HSPH1: variants seen among roughly 807,000 people sequenced by gnomAD.
The protein encoded by HSPH1 is heat shock protein family H (Hsp110) member 1.
Under a neutral mutation model 100.0 loss-of-function variants are expected in HSPH1, and 40 were observed. The ratio of observed to expected loss-of-function variants is 0.40; its 90% CI spans 0.31 to 0.52. The LOEUF is 0.52. Ranked by LOEUF, HSPH1 falls within the 20% of genes least tolerant of loss-of-function variation. The pLI, the probability that HSPH1 is intolerant of heterozygous loss-of-function variation, is 0.54. For synonymous variants in HSPH1, 403 were observed against 344.0 expected (o/e 1.17, Z -1.90); for missense variants, 876 against 1,015.1 (o/e 0.86, Z 1.86).
In HSPH1 at chr13:31,148,499, A is replaced by ACT. The variant is rs1956353540; in HGVS notation, c.1138-20_1138-19insAG. ...TTGCACACTTAAAAAAAAAAAAAAA[A>ACT]ATCATGAGCACATGAACACTTCCCA... On this transcript the variant is annotated intron_variant, in intron 8 of 17. Coordinates refer to ENST00000320027, the MANE Select transcript of HSPH1 (RefSeq NM_006644.4). The ACT allele has an allele frequency of 9.3e-7, 1 of 1,080,186 alleles. No individual in the cohort carries two copies. The highest frequency in any genetic ancestry group is 1.6e-5 in the African/African-American group (1 of 61,194). 66.9% of individuals were successfully genotyped at this position (1,080,186 alleles called of 1,614,324 possible).
intron 2 of HSPH1, among the ~76,000 whole-genome samples, chr13:31,156,705 T>G (rs554908378): frequency 2.3e-4 from 35 of 152,332 alleles, no homozygotes; most frequent in African/African-American, 7.7e-4. Flanking sequence ...CACCAAAAAG[T>G]AGAAGGCAGA....
intron 12 of HSPH1, 89 bp downstream of exon 12, chr13:31,143,703 G>T: frequency 8.7e-7 from 1 of 1,146,780 alleles, no homozygotes. Context: ...ATCAATTGGT[G>T]CTTGCTCTTG....
At chr13:31,162,155 T>C (rs1308729408), upstream of HSPH1, 5 of 1,439,602 alleles carry the variant, frequency 3.5e-6, no homozygotes, top group East Asian at 2.5e-5. Context: ...ACTCCCGCCC[T>C]AGCCACAGGC....
intron 10 of HSPH1, among the ~76,000 whole-genome samples, chr13:31,146,354 A>T (rs1275823467): frequency 6.6e-6 from 1 of 152,154 alleles, no homozygotes; most frequent in Non-Finnish European, 1.5e-5. Flanking sequence ...GGGCACTCTT[A>T]TAACTATTTT....
chr13:31,151,864 T>C (rs1956500221), intron 5 of HSPH1, 122 bp from the exon 6 acceptor site: 1 of 730,728 alleles, frequency 1.4e-6, no homozygotes, highest in Non-Finnish European at 2.2e-6. Flanking sequence ...GGTGAACACA[T>C]TACATTCCTT....
intron 5 of HSPH1, 87 bp downstream of exon 5, chr13:31,152,765 T>C: frequency 2.2e-6 from 2 of 925,122 alleles, no homozygotes; most frequent in Non-Finnish European, 3.5e-6. Context: ...ACAGGCTGTG[T>C]TTCTGTATCT....
At position 31,140,006 on chromosome 13, in the gene HSPH1, T is replaced by C. The variant is rs142210580; in HGVS notation, c.1980+178A>G. On this transcript the variant is annotated intron_variant, in intron 14 of 17. Transcript: ENST00000320027. The stretch of plus-strand genomic sequence containing the variant: ...TGGTAAAAATGAAGAGTTTTGGGGG[T>C]AGGCTAGTACAAAATAAAACTGCTC... 5.5e-3 allele frequency among the ~76,000 whole-genome samples: 841 copies of C among 152,134 alleles called. 10 individuals carry two copies. The highest frequency in any genetic ancestry group is 0.019 in the African/African-American group (796 of 41,528).
At position 31,147,950 on chromosome 13, in the gene HSPH1, A is replaced by C; in HGVS notation, c.1378+9T>G. ...TAAAAGAGTAAAATATACACAATGA[A>C]CTCCTTACCTATTTTTGCTTCTGGA... is the stretch of plus-strand genomic sequence containing the variant. On this transcript the variant is annotated intron_variant, in intron 10 of 17. Coordinates refer to ENST00000320027, the MANE Select transcript of HSPH1 (RefSeq NM_006644.4). 6.3e-7 allele frequency: 1 copy of C among 1,578,122 alleles called. No individual in the cohort carries two copies. Among genetic ancestry groups the C allele is most frequent in the Non-Finnish European group, 8.5e-7 (1 of 1,169,744 alleles).
In HSPH1 at chr13:31,137,198, C is replaced by T; in HGVS notation, c.*120G>A. On this transcript the variant is annotated 3_prime_UTR_variant, in exon 18 of 18. Coordinates refer to ENST00000320027, the MANE Select transcript of HSPH1 (RefSeq NM_006644.4). The stretch of plus-strand genomic sequence containing the variant: ...GCTTTTTTTCTTTTTCCATATAATA[C>T]ACAAAATTTCTAAATATCCTTAAAA... The T allele has an allele frequency of 1.3e-6, 1 of 749,080 alleles. No homozygotes were observed. Among genetic ancestry groups the T allele is most frequent in the South Asian group, 1.6e-5 (1 of 61,282 alleles). 46.4% of individuals were successfully genotyped at this position (749,080 alleles called of 1,614,324 possible).
chr13:31,143,718 T>G (rs898352581), intron 12 of HSPH1, 74 bp downstream of exon 12: 1 of 1,276,206 alleles, frequency 7.8e-7, no homozygotes, highest in Non-Finnish European at 1.0e-6. Flanking sequence ...CTCTTGAAAC[T>G]GCAATTTAAT....
intron 15 of HSPH1, 43 bp from the exon 16 acceptor site, chr13:31,138,943 T>C: frequency 6.3e-7 from 1 of 1,576,982 alleles, no homozygotes; most frequent in Non-Finnish European, 8.7e-7. Flanking sequence ...ATAATTTTAT[T>C]TTAAAGTCTA....
rs144907574 is a variant in HSPH1 at position 31,161,751 on chromosome 13, G to A, written c.-169C>T. ...CACACAGACAGCCGCGGCCTGTCAGGAGCCTCCTACTCCCCCGGGGACAGC... is the reference window on the plus strand; with the variant it reads ...CACACAGACAGCCGCGGCCTGTCAGAAGCCTCCTACTCCCCCGGGGACAGC... On this transcript the variant is annotated 5_prime_UTR_variant, in exon 1 of 18. Transcript: ENST00000320027. 8.6e-5 allele frequency: 131 copies of A among 1,530,060 alleles called. No homozygotes were observed. The highest frequency in any genetic ancestry group is 1.7e-4 in the Middle Eastern group (1 of 5,744). The allele number at this position is 1,530,060 out of a possible 1,614,324, so 94.8% of individuals were successfully genotyped here.
At chr13:31,140,082 TAA>T (rs1319169302) in intron 14 of HSPH1, 100 bp downstream of exon 14, 2 of 1,164,808 alleles carry the variant, frequency 1.7e-6, no homozygotes, top group African/African-American at 3.1e-5. Flanking sequence ...CTAAAAAGTT[TAA>T]GTTACATAAT....
chr13:31,160,796 C>T (rs916657916), intron 1 of HSPH1, among the ~76,000 whole-genome samples: 1 of 152,104 alleles, frequency 6.6e-6, no homozygotes, highest in Non-Finnish European at 1.5e-5. Flanking sequence ...AAAAAAAAGA[C>T]GTTTACATCT....
At chr13:31,162,069 C>T, upstream of HSPH1, 4 of 1,536,148 alleles carry the variant, frequency 2.6e-6, no homozygotes, top group East Asian at 2.4e-5. Context: ...GGCAGCCGGT[C>T]CCCGGAGAAC....
In HSPH1 at chr13:31,143,777, A is replaced by G; in HGVS notation, c.1716+15T>C. The G allele has an allele frequency of 1.2e-6, 2 of 1,601,208 alleles. No homozygotes were observed. The highest frequency in any genetic ancestry group is 1.7e-6 in the Non-Finnish European group (2 of 1,173,814). ...GCAACATTGTCTAATGGAATGAACT[A>G]GAAGAGTCACTCACTTTGTCAGCAT... On this transcript the variant is annotated intron_variant, in intron 12 of 17. Coordinates refer to ENST00000320027, the MANE Select transcript of HSPH1 (RefSeq NM_006644.4).
intron 1 of HSPH1, among the ~76,000 whole-genome samples, chr13:31,161,077 G>A (rs1956886426): frequency 6.6e-6 from 1 of 152,232 alleles, no homozygotes; most frequent in South Asian, 2.1e-4. Flanking sequence ...AGCCAGCTCA[G>A]AGAGGCCGGG....
intron 12 of HSPH1, among the ~76,000 whole-genome samples, chr13:31,143,314 AC>A (rs1222965986): frequency 2.6e-5 from 4 of 152,160 alleles, no homozygotes; most frequent in Admixed American, 2.0e-4. Context: ...AAAAATAATT[AC>A]CTTGAAGTGC....
At chr13:31,137,563 TC>T (rs757795372) in intron 17 of HSPH1, 39 bp from the exon 18 acceptor site, 1 of 1,470,836 alleles carries the variant, frequency 6.8e-7, no homozygotes, top group Admixed American at 2.0e-5. Flanking sequence ...TTAACTCAGA[TC>T]CATCCAGTTC....
Sources: allele counts gnomAD v4.1 joint callset (sites outside exome capture counted in the v4.1 genomes callset), GRCh38; gene constraint gnomAD v4.1.1; transcripts MANE v1.5; gene names NCBI Gene and HGNC (gene_info 2026-07-23, HGNC 2026-07-21).